The following B3GAT2 variants were observed in gnomAD, a reference collection of about 807,000 sequenced individuals.
B3GAT2 encodes the protein galactosylgalactosylxylosylprotein 3-beta-glucuronosyltransferase 2.
Under a neutral mutation model 27.8 loss-of-function variants are expected in B3GAT2, and 26 were observed. The ratio of observed to expected loss-of-function variants is 0.93; its 90% CI spans 0.68 to 1.30. The LOEUF (loss-of-function observed/expected upper bound fraction) is 1.30, where lower values mean the gene tolerates loss of function less well. B3GAT2 is among the 50% of genes most tolerant of loss of function. B3GAT2 has a pLI of 0.00. For synonymous variants in B3GAT2, 218 were observed against 195.1 expected, an observed-to-expected ratio of 1.12 and a Z score of -0.98; for missense variants, 458 against 459.0, an observed-to-expected ratio of 1.00 and a Z score of 0.02.
At chr6:70,917,497 G>C (rs190015784) in intron 1 of B3GAT2, among the ~76,000 whole-genome samples, 2 of 151,878 alleles carry the variant, frequency 1.3e-5, no homozygotes, top group Admixed American at 6.6e-5. Context: ...TTAGGGTGTC[G>C]ATTTTAGATC....
At chr6:70,877,816 A>C (rs747024745) in intron 2 of B3GAT2, among the ~76,000 whole-genome samples, 6 of 152,184 alleles carry the variant, frequency 3.9e-5, no homozygotes, top group Non-Finnish European at 8.8e-5. Flanking sequence ...TTGTGTTTCC[A>C]TAAGCCAGCC....
At chr6:70,920,141 C>G (rs1772843406) in intron 1 of B3GAT2, among the ~76,000 whole-genome samples, 1 of 152,186 alleles carries the variant, frequency 6.6e-6, no homozygotes, top group Non-Finnish European at 1.5e-5. Flanking sequence ...GACGCCGCTC[C>G]CCACCCACCA....
At chr6:70,907,432 A>G (rs769120158) in intron 1 of B3GAT2, among the ~76,000 whole-genome samples, 1 of 152,190 alleles carries the variant, frequency 6.6e-6, no homozygotes, top group Non-Finnish European at 1.5e-5. Flanking sequence ...CATTGGAAAG[A>G]CTTCAGGACG....
Position 70,861,003 on chromosome 6 carries a change from T to C in B3GAT2, c.*660A>G. 1 of 288,154 alleles carries C rather than the reference T, an allele frequency of 3.5e-6. No homozygotes were observed. The highest frequency in any genetic ancestry group is 6.4e-6 in the Non-Finnish European group (1 of 155,648). 17.8% of individuals were successfully genotyped at this position (288,154 alleles called of 1,614,324 possible). ...TGTACATAGTGCTAACATGAAGACCTTTTTCTGCACTATATGCAAACAGGG... is the reference window on the plus strand; with the variant it reads ...TGTACATAGTGCTAACATGAAGACCCTTTTCTGCACTATATGCAAACAGGG... On this transcript the variant is annotated 3_prime_UTR_variant, in exon 4 of 4. Coordinates refer to ENST00000230053, the MANE Select transcript of B3GAT2 (RefSeq NM_080742.3).
At chr6:70,914,944 T>C (rs1772744511) in intron 1 of B3GAT2, among the ~76,000 whole-genome samples, 1 of 152,188 alleles carries the variant, frequency 6.6e-6, no homozygotes, top group Non-Finnish European at 1.5e-5. Flanking sequence ...CTGGGTCAAA[T>C]GGTATTTATA....
intron 1 of B3GAT2, among the ~76,000 whole-genome samples, chr6:70,913,756 G>A (rs1337875189): frequency 1.3e-5 from 2 of 152,204 alleles, no homozygotes; most frequent in African/African-American, 2.4e-5. Context: ...AAGTATCTTT[G>A]TTAGTGTTCT....
chr6:70,902,694 G>A (rs185793536), intron 1 of B3GAT2, among the ~76,000 whole-genome samples: 1 of 149,702 alleles, frequency 6.7e-6, no homozygotes, highest in East Asian at 2.0e-4. Flanking sequence ...AAACACAATA[G>A]GGTACTATTC....
chr6:70,948,040 C>A (rs562521142), intron 1 of B3GAT2, among the ~76,000 whole-genome samples: 2 of 152,024 alleles, frequency 1.3e-5, no homozygotes, highest in Admixed American at 6.6e-5. Context: ...ACCCTTCATG[C>A]TAAAAATTCT....
rs769712548 is a variant in B3GAT2, at chr6:70,861,943, G to A, written c.772C>T (p.Pro258Ser). 6.2e-7 allele frequency: 1 copy of A among 1,613,510 alleles called. No homozygotes were observed. The highest frequency in any genetic ancestry group is 8.5e-7 in the Non-Finnish European group (1 of 1,179,722). The change falls in exon 3 of 4, where the codon CCA becomes TCA. Residue 258 changes from proline to serine, a missense_variant. Pro to Ser is a moderately conservative substitution (Grantham distance 74). Coordinates refer to ENST00000230053, the MANE Select transcript of B3GAT2 (RefSeq NM_080742.3). ...AVSLQVILSNPKAVFKRRGSQ... is the reference protein window; with the variant it reads ...AVSLQVILSNSKAVFKRRGSQ... ...CCACGACGCTTAAATACAGCTTTTGGATTGGACAAAATGACTTGAAGACTT... is the reference window on the plus strand; with the variant it reads ...CCACGACGCTTAAATACAGCTTTTGAATTGGACAAAATGACTTGAAGACTT...
intron 2 of B3GAT2, among the ~76,000 whole-genome samples, chr6:70,875,709 C>T (rs184799569): frequency 2.6e-5 from 4 of 152,160 alleles, no homozygotes; most frequent in African/African-American, 9.7e-5. Context: ...TGACTACTGA[C>T]TGAAACTTTA....
Position 70,874,610 on chromosome 6 carries a change from C to T in B3GAT2, c.737-12632G>A, listed in dbSNP as rs541509899. Among the ~76,000 whole-genome samples, 13 of 152,264 alleles carry T rather than the reference C, an allele frequency of 8.5e-5. No individual in the cohort carries two copies. The South Asian group carries it at 1.5e-3, about 17-fold the overall frequency. On this transcript the variant is annotated intron_variant, in intron 2 of 3. Coordinates refer to ENST00000230053, the MANE Select transcript of B3GAT2 (RefSeq NM_080742.3). ...TGTCAGAGCTTTTCAAATGCCCCTA[C>T]GGAATGAAGTTTTTTGCTTAGCTTG...
chr6:70,872,245 A>T (rs944231691), intron 2 of B3GAT2, among the ~76,000 whole-genome samples: 1 of 151,732 alleles, frequency 6.6e-6, no homozygotes, highest in Non-Finnish European at 1.5e-5. Context: ...CTTCTATCCC[A>T]GTTGATCTAT....
chr6:70,887,341 T>A (rs1772204429), intron 2 of B3GAT2, among the ~76,000 whole-genome samples: 1 of 152,190 alleles, frequency 6.6e-6, no homozygotes, highest in Non-Finnish European at 1.5e-5. Context: ...AGAATAACTG[T>A]CATTCCCACG....
intron 1 of B3GAT2, among the ~76,000 whole-genome samples, chr6:70,939,116 AG>A (rs1169077503): frequency 1.3e-5 from 2 of 152,142 alleles, no homozygotes; most frequent in Non-Finnish European, 2.9e-5. Context: ...TCTCAAAAGA[AG>A]ACATTTATGC....
chr6:70,860,990 TA>T lies in B3GAT2; in HGVS notation c.*672del, dbSNP rs377543568. On this transcript the variant is annotated 3_prime_UTR_variant, in exon 4 of 4. Transcript: ENST00000230053. ...GATCTCTTCTTAATGTACATAGTGCTAACATGAAGACCTTTTTCTGCACTAT... is the reference window on the plus strand; with the variant it reads ...GATCTCTTCTTAATGTACATAGTGCTACATGAAGACCTTTTTCTGCACTAT... The T allele has an allele frequency of 1.1e-4, 36 of 317,602 alleles. No homozygotes were observed. In the South Asian group the frequency reaches 1.6e-3, roughly 14 times the overall value. 19.7% of individuals were successfully genotyped at this position (317,602 alleles called of 1,614,324 possible). A position where few individuals can be genotyped will look rare whatever the true frequency, so the allele number is the denominator to read the frequency against.
At chr6:70,866,404 A>G (rs552050524) in intron 2 of B3GAT2, among the ~76,000 whole-genome samples, 28 of 152,322 alleles carry the variant, frequency 1.8e-4, no homozygotes, top group Non-Finnish European at 3.8e-4. Flanking sequence ...TATTTATAAT[A>G]TAGTATAACA....
chr6:70,946,788 G>A (rs1332196367), intron 1 of B3GAT2, among the ~76,000 whole-genome samples: 1 of 151,286 alleles, frequency 6.6e-6, no homozygotes, highest in African/African-American at 2.4e-5. Flanking sequence ...ATTTTTTTCA[G>A]CACCACACCA....
At chr6:70,881,441 A>T (rs1772097577) in intron 2 of B3GAT2, among the ~76,000 whole-genome samples, 1 of 152,206 alleles carries the variant, frequency 6.6e-6, no homozygotes, top group Admixed American at 6.5e-5. Context: ...TCAAGGCTGA[A>T]CAGCATTGAT....
At chr6:70,885,872 T>C (rs1270620070) in intron 2 of B3GAT2, among the ~76,000 whole-genome samples, 4 of 152,166 alleles carry the variant, frequency 2.6e-5, no homozygotes, top group Non-Finnish European at 5.9e-5. Context: ...CCTGTATGTG[T>C]CAGAGCAGGA....
Sources: allele counts gnomAD v4.1 joint callset (sites outside exome capture counted in the v4.1 genomes callset), GRCh38; gene constraint gnomAD v4.1.1; transcripts MANE v1.5; gene names NCBI Gene and HGNC (gene_info 2026-07-23, HGNC 2026-07-21).